Variants in CAPN3 observed in about 807,000 individuals in gnomAD.
CAPN3 encodes the protein calpain 3.
Under a neutral mutation model 114.0 loss-of-function variants are expected in CAPN3, and 88 were observed. That is an observed-to-expected ratio of 0.77 (90% CI 0.65 to 0.92). The LOEUF (loss-of-function observed/expected upper bound fraction) is 0.92, where lower values mean the gene tolerates loss of function less well. Among genes scored for constraint, CAPN3 ranks in the 40% least tolerant of loss-of-function variants. The pLI, the probability that CAPN3 is intolerant of heterozygous loss-of-function variation, is 0.00. For synonymous variants in CAPN3, 386 were observed against 382.9 expected (o/e 1.01, Z -0.09); for missense variants, 1,028 against 1,069.0 (o/e 0.96, Z 0.53).
chr15:42,393,845 G>A (rs1434494033), intron 7 of CAPN3, among the ~76,000 whole-genome samples: 5 of 151,220 alleles, frequency 3.3e-5, no homozygotes, highest in Admixed American at 2.0e-4. Flanking sequence ...CGCCCACCTC[G>A]GCCTCTCAAA....
chr15:42,366,030 T>C (rs534164574), intron 1 of CAPN3, among the ~76,000 whole-genome samples: 1 of 152,246 alleles, frequency 6.6e-6, no homozygotes, highest in South Asian at 2.1e-4. Context: ...ATACTAGTAC[T>C]TTCTTGATCT....
At chr15:42,376,828 C>T (rs2053101058) in intron 1 of CAPN3, among the ~76,000 whole-genome samples, 1 of 152,206 alleles carries the variant, frequency 6.6e-6, no homozygotes, top group African/African-American at 2.4e-5. Context: ...ATAACCATCT[C>T]ACATATCTGT....
intron 1 of CAPN3, among the ~76,000 whole-genome samples, chr15:42,373,706 GT>G (rs2053014622): frequency 6.6e-6 from 1 of 152,172 alleles, no homozygotes; most frequent in Non-Finnish European, 1.5e-5. Context: ...CTGCAGTCAA[GT>G]TACCTACCCT....
At chr15:42,380,368 C>CTTTTTTTTTTTTTTTTTTT (rs776441239) in intron 1 of CAPN3, among the ~76,000 whole-genome samples, 1 of 46,104 alleles carries the variant, frequency 2.2e-5, no homozygotes, top group African/African-American at 1.1e-4. Flanking sequence ...TCTTTTTTGT[C>CTTTTTTTTTTTTTTTTTTT]TTTTTTTTTT....
At chr15:42,407,927 A>G (rs2054070517) in intron 15 of CAPN3, among the ~76,000 whole-genome samples, 1 of 152,216 alleles carries the variant, frequency 6.6e-6, no homozygotes, top group Non-Finnish European at 1.5e-5. Flanking sequence ...ATACTTGACA[A>G]TCACTGCACT....
At position 42,392,843 on chromosome 15, in the gene CAPN3, G is replaced by A. The variant is rs2053597697; in HGVS notation, c.1029+121G>A. 4 of 726,688 alleles carry A rather than the reference G, an allele frequency of 5.5e-6. No homozygotes were observed. In the East Asian group the frequency reaches 8.2e-5, roughly 15 times the overall value. The allele number at this position is 726,688 out of a possible 1,614,324, so 45.0% of individuals were successfully genotyped here. The stretch of plus-strand genomic sequence containing the variant: ...AGCTTGCCTCCAATCAGGACATTCA[G>A]TTCAAGGTCCAAGCCACGCCTGGGA... On this transcript the variant is annotated intron_variant, in intron 7 of 23. Coordinates refer to ENST00000397163, the MANE Select transcript of CAPN3 (RefSeq NM_000070.3).
At chr15:42,396,333 C>T (rs538852534) in intron 8 of CAPN3, among the ~76,000 whole-genome samples, 2 of 151,858 alleles carry the variant, frequency 1.3e-5, no homozygotes, top group South Asian at 4.2e-4. Flanking sequence ...ACCTCCGCCT[C>T]CCGGGTTCAA....
At chr15:42,385,905 G>A (rs1052020176) in intron 2 of CAPN3, 2 of 684,124 alleles carry the variant, frequency 2.9e-6, no homozygotes, top group Admixed American at 3.7e-5. Context: ...AGTTTATACT[G>A]CAGTTGGAGG....
Position 42,359,523 on chromosome 15 carries a change from G to T in CAPN3, c.-283G>T. On this transcript the variant is annotated 5_prime_UTR_variant, in exon 1 of 24. Transcript: ENST00000397163. ...CTCACTCTCTTTCTCTCTCCCTCTGGCATGCATGCTGCTGGTAGGAGACCC... is the reference window on the plus strand; with the variant it reads ...CTCACTCTCTTTCTCTCTCCCTCTGTCATGCATGCTGCTGGTAGGAGACCC... 1 of 1,294,408 alleles carries T rather than the reference G, an allele frequency of 7.7e-7. No homozygotes were observed. Among genetic ancestry groups the T allele is most frequent in the South Asian group, 1.8e-5 (1 of 56,122 alleles). 80.2% of individuals were successfully genotyped at this position (1,294,408 alleles called of 1,614,324 possible). A position where few individuals can be genotyped will look rare whatever the true frequency, so the allele number is the denominator to read the frequency against.
chr15:42,365,702 G>T (rs1378068564), intron 1 of CAPN3, among the ~76,000 whole-genome samples: 1 of 152,060 alleles, frequency 6.6e-6, no homozygotes, highest in African/African-American at 2.4e-5. Flanking sequence ...TCTGGTGTTT[G>T]CCTTTCTTCC....
intron 2 of CAPN3, chr15:42,385,695 C>G: frequency 1.9e-6 from 1 of 520,482 alleles, no homozygotes; most frequent in Admixed American, 1.9e-5. Flanking sequence ...TCCAGGGCAG[C>G]TGCCTACCTG....
chr15:42,408,074 A>C, intron 15 of CAPN3, 137 bp from the exon 16 acceptor site: 8 of 663,126 alleles, frequency 1.2e-5, no homozygotes, highest in African/African-American at 1.8e-5. Context: ...ATAGAGCTTG[A>C]ACCGAGGTTG....
intron 1 of CAPN3, among the ~76,000 whole-genome samples, chr15:42,379,344 G>A (rs1367752351): frequency 6.6e-6 from 1 of 152,054 alleles, no homozygotes; most frequent in African/African-American, 2.4e-5. Flanking sequence ...GTGTTTTATG[G>A]CTCAGAATGT....
intron 1 of CAPN3, among the ~76,000 whole-genome samples, chr15:42,360,532 C>T (rs1283467269): frequency 2.0e-5 from 3 of 152,122 alleles, no homozygotes; most frequent in South Asian, 2.1e-4. Context: ...GTTTCTCTGG[C>T]TAAAATCATG....
chr15:42,407,810 G>C (rs929805589), intron 15 of CAPN3, among the ~76,000 whole-genome samples: 1 of 152,126 alleles, frequency 6.6e-6, no homozygotes, highest in Non-Finnish European at 1.5e-5. Context: ...AGGGCAAAGA[G>C]CTCTGTTCTC....
intron 1 of CAPN3, among the ~76,000 whole-genome samples, chr15:42,375,475 G>C (rs2053066422): frequency 6.6e-6 from 1 of 151,672 alleles, no homozygotes. Flanking sequence ...TGTAGCACAA[G>C]GCCCTTCTTC....
chr15:42,392,609 C>G (rs771195177), intron 6 of CAPN3, 30 bp from the exon 7 acceptor site: 1 of 1,577,098 alleles, frequency 6.3e-7, no homozygotes, highest in Middle Eastern at 1.7e-4. Flanking sequence ...TCCCCCGCCC[C>G]TAATGGGTTC....
In CAPN3 at chr15:42,399,542, A is replaced by G. The variant is rs769367343; in HGVS notation, c.1244A>G (p.Asn415Ser). The G allele has an allele frequency of 1.2e-5, 20 of 1,613,726 alleles. No homozygotes were observed. The highest frequency in any genetic ancestry group is 1.7e-5 in the Non-Finnish European group (20 of 1,179,800). ...CATTTCACAAAGTTGGAGATCTGCA[A>G]CCTCACGGCCGATGCTCTGCAGTCT... ...IYHFTKLEIC[N>S]LTADALQSDK... The change falls in exon 10 of 24, where the codon AAC becomes AGC. Residue 415 changes from asparagine to serine, a missense_variant. Transcript: ENST00000397163.
At chr15:42,360,902 T>C (rs1379478307) in intron 1 of CAPN3, among the ~76,000 whole-genome samples, 3 of 152,184 alleles carry the variant, frequency 2.0e-5, no homozygotes, top group Non-Finnish European at 4.4e-5. Flanking sequence ...ATTCGAGAAA[T>C]ATTTATTGAG....
Sources: gnomAD v4.1 joint callset for allele counts (sites outside exome capture counted in the v4.1 genomes callset) on GRCh38, gnomAD v4.1.1 for gene constraint, MANE v1.5 for transcripts, NCBI Gene and HGNC (gene_info 2026-07-23, HGNC 2026-07-21) for gene names.